The following OSBPL10 variants were observed in gnomAD, a reference collection of about 807,000 sequenced individuals.
The protein encoded by OSBPL10 is oxysterol binding protein like 10, also known as oxysterol-binding protein-related protein 10.
Under a neutral mutation model 81.7 loss-of-function variants are expected in OSBPL10, and 49 were observed. That is an observed-to-expected ratio of 0.60 (90% confidence interval 0.48 to 0.76). OSBPL10 has a LOEUF of 0.76. Ranked by LOEUF, OSBPL10 falls within the 30% of genes least tolerant of loss-of-function variation. The pLI is 0.00. For synonymous variants in OSBPL10, 419 were observed against 383.6 expected (o/e 1.09, Z -1.08); for missense variants, 923 against 987.8 (o/e 0.93, Z 0.88).
At position 31,981,011 on chromosome 3, in the gene OSBPL10, T is replaced by C. The variant is rs1400305115; in HGVS notation, c.169A>G (p.Ser57Gly). 6.7e-7 allele frequency: 1 copy of C among 1,482,044 alleles called. No individual in the cohort carries two copies. Among genetic ancestry groups the C allele is most frequent in the Admixed American group, 2.5e-5 (1 of 39,298 alleles). 91.8% of individuals were successfully genotyped at this position (1,482,044 alleles called of 1,614,324 possible). A position where few individuals can be genotyped will look rare whatever the true frequency, so the allele number is the denominator to read the frequency against. The change falls in exon 1 of 12, where the codon AGC (serine) becomes GGC (glycine). Residue 57 changes from serine (S) to glycine (G), a missense_variant. Coordinates refer to ENST00000396556, the MANE Select transcript of OSBPL10 (RefSeq NM_017784.5). The surrounding 1 kb of genome is among the most constrained non-coding windows in gnomAD (Gnocchi z 4.5). ...GGGCTAGCGGCCACAGAGCCCGGGC[T>C]GCTGCGGCTTCCCCCGCCGCCGAGC... is the stretch of plus-strand genomic sequence containing the variant. ...AGLGGGGSRS[S>G]PGSVAASPSG... is the part of the protein sequence containing the mutation.
chr3:31,858,517 AC>A (rs1054180969), intron 3 of OSBPL10, among the ~76,000 whole-genome samples: 6 of 152,246 alleles, frequency 3.9e-5, no homozygotes, highest in African/African-American at 1.4e-4. Context: ...CTGGCTCTGT[AC>A]TAAGAGCACA....
At chr3:32,026,802 G>C (rs929632643) in intron 2 of OSBPL10, among the ~76,000 whole-genome samples, 1 of 152,166 alleles carries the variant, frequency 6.6e-6, no homozygotes, top group African/African-American at 2.4e-5. Context: ...TGAGGAAACG[G>C]GCATGAACTG....
At chr3:31,909,506 A>C (rs1468216936) in intron 1 of OSBPL10, among the ~76,000 whole-genome samples, 2 of 102,174 alleles carry the variant, frequency 2.0e-5, no homozygotes, top group African/African-American at 6.3e-5. Context: ...TCAACGTTTA[A>C]AAAAAAAAAG....
chr3:31,835,446 C>T (rs936003701), intron 3 of OSBPL10, among the ~76,000 whole-genome samples: 1 of 152,014 alleles, frequency 6.6e-6, no homozygotes, highest in African/African-American at 2.4e-5. Context: ...TAAAAGGAGG[C>T]AAGGGAGGGA....
intron 2 of OSBPL10, among the ~76,000 whole-genome samples, chr3:32,040,280 G>T (rs1699561904): frequency 6.6e-6 from 1 of 151,922 alleles, no homozygotes; most frequent in South Asian, 2.1e-4. Flanking sequence ...GGTGGCATGT[G>T]CCTGTAGTCC....
At chr3:31,856,069 TACACAC>T (rs10576489) in intron 3 of OSBPL10, among the ~76,000 whole-genome samples, 17,467 of 134,370 alleles carry the variant, frequency 0.13, 1,180 homozygotes, top group East Asian at 0.2. Flanking sequence ...ATGTTTATAT[TACACAC>T]ACACACACAC....
intron 1 of OSBPL10, among the ~76,000 whole-genome samples, chr3:31,901,438 A>G (rs1696236951): frequency 6.6e-6 from 1 of 151,910 alleles, no homozygotes; most frequent in South Asian, 2.1e-4. Flanking sequence ...CAGAACACTC[A>G]CCTATCCTGA....
intron 4 of OSBPL10, among the ~76,000 whole-genome samples, chr3:31,817,139 C>T (rs1039651240): frequency 3.9e-5 from 6 of 152,178 alleles, no homozygotes; most frequent in African/African-American, 1.4e-4. Context: ...CAGCCATGGG[C>T]GGGCCTGGAA....
intron 3 of OSBPL10, among the ~76,000 whole-genome samples, chr3:31,853,744 T>C (rs906040912): frequency 6.6e-6 from 1 of 152,188 alleles, no homozygotes; most frequent in Non-Finnish European, 1.5e-5. Flanking sequence ...CACCTGCACG[T>C]TCTGTTCTAA....
chr3:31,663,595 C>T, intron 11 of OSBPL10: 1 of 1,024,398 alleles, frequency 9.8e-7, no homozygotes, highest in Non-Finnish European at 1.2e-6. Flanking sequence ...GGCTGGCCTT[C>T]CCCTGCATGA....
chr3:31,760,002 G>A (rs1383806615), intron 4 of OSBPL10, among the ~76,000 whole-genome samples: 1 of 152,062 alleles, frequency 6.6e-6, no homozygotes, highest in African/African-American at 2.4e-5. Flanking sequence ...CCTCAAGTGC[G>A]CTGCCCACCT....
chr3:32,068,427 T>C (rs567394254), intron 1 of OSBPL10, among the ~76,000 whole-genome samples: 2 of 152,170 alleles, frequency 1.3e-5, no homozygotes, highest in African/African-American at 4.8e-5. Flanking sequence ...CCCTTCTCCG[T>C]GTCTCTACCC....
intron 2 of OSBPL10, among the ~76,000 whole-genome samples, chr3:32,038,751 G>C (rs1575090370): frequency 6.6e-6 from 1 of 152,218 alleles, no homozygotes; most frequent in South Asian, 2.1e-4. Flanking sequence ...AAACTGGATT[G>C]TGGTGATGTT....
chr3:31,942,534 CAAAAAAAA>C (rs34915200), intron 1 of OSBPL10, among the ~76,000 whole-genome samples: 1 of 79,760 alleles, frequency 1.3e-5, no homozygotes, highest in Non-Finnish European at 2.4e-5. Context: ...GACTCCATCT[CAAAAAAAA>C]AAAAAAAAAA....
chr3:32,056,822 C>T (rs1157419552), intron 1 of OSBPL10, among the ~76,000 whole-genome samples: 1 of 152,168 alleles, frequency 6.6e-6, no homozygotes, highest in Non-Finnish European at 1.5e-5. Context: ...GCTGCATTCC[C>T]AGAAGGTTAG....
At chr3:31,899,191 CT>C (rs1324440168) in intron 1 of OSBPL10, among the ~76,000 whole-genome samples, 91 of 152,220 alleles carry the variant, frequency 6.0e-4, no homozygotes, top group African/African-American at 2.1e-3. Context: ...ATCCGCCCAT[CT>C]CGGCCTCCCA....
intron 2 of OSBPL10, among the ~76,000 whole-genome samples, chr3:32,045,700 G>A (rs1699614910): frequency 6.6e-6 from 1 of 152,146 alleles, no homozygotes; most frequent in African/African-American, 2.4e-5. Context: ...GGAGGGGGTG[G>A]CTCACAAAGT....
chr3:31,782,434 AAT>A (rs1698719703), intron 4 of OSBPL10, among the ~76,000 whole-genome samples: 1 of 152,220 alleles, frequency 6.6e-6, no homozygotes, highest in African/African-American at 2.4e-5. Flanking sequence ...CAAAAAGATA[AAT>A]AGATGGAACC....
At chr3:31,949,711 T>C (rs7617902) in intron 1 of OSBPL10, among the ~76,000 whole-genome samples, 2,758 of 136,180 alleles carry the variant, frequency 0.02, 102 homozygotes, top group African/African-American at 0.071. Flanking sequence ...GGATACTGGG[T>C]TCCTACCTCA....
Sources: gnomAD v4.1 joint callset for allele counts (sites outside exome capture counted in the v4.1 genomes callset) on GRCh38, gnomAD v4.1.1 for gene constraint, Gnocchi (gnomAD v3.1) non-coding constraint, MANE v1.5 for transcripts, NCBI Gene and HGNC (gene_info 2026-07-23, HGNC 2026-07-21) for gene names.